The following PITPNM2 variants were observed in gnomAD, a reference collection of about 807,000 sequenced individuals.
PITPNM2 encodes the protein membrane-associated phosphatidylinositol transfer protein 2.
A neutral mutation model predicts 132.2 loss-of-function variants in PITPNM2; 35 were observed. The ratio of observed to expected loss-of-function variants is 0.26; its 90% CI spans 0.20 to 0.35. The LOEUF is 0.35. Among genes scored for constraint, PITPNM2 ranks in the 10% least tolerant of loss-of-function variants. The probability of loss-of-function intolerance (pLI) is 1.00; values close to 1 mark genes in which losing one functional copy is unlikely to be tolerated. For missense variants in PITPNM2, 1,332 were observed against 1,912.0 expected (o/e 0.70, Z 5.66); for synonymous variants, 738 against 799.2 (o/e 0.92, Z 1.29).
rs1339998437 is a variant in PITPNM2 at position 122,986,110 on chromosome 12, G to A, written c.3967C>T (p.Arg1323Cys). The change falls in exon 26 of 26, where the codon CGC becomes TGC. Residue 1323 changes from arginine (R) to cysteine (C), a missense_variant. Arg to Cys is a radical substitution (Grantham distance 180, BLOSUM62 -3). This residue lies in a region of PITPNM2 where 163 missense variants were observed against 177.2 expected (regional missense o/e 0.92). Coordinates refer to ENST00000320201, the MANE Select transcript of PITPNM2 (RefSeq NM_020845.3). ...CAGCCGGCCGCCACACTCATGCTGC[G>A]CTGGCCCCGCTGCTCGCCATCCGCC... ...SQADGEQRGQ[R>C]SMSVAAGCWG... The A allele has an allele frequency of 6.7e-6, 10 of 1,493,558 alleles. No homozygotes were observed. The highest frequency in any genetic ancestry group is 2.2e-4 in the Middle Eastern group (1 of 4,554). 92.5% of individuals were successfully genotyped at this position (1,493,558 alleles called of 1,614,324 possible). A position where few individuals can be genotyped will look rare whatever the true frequency, so the allele number is the denominator to read the frequency against.
chr12:123,087,126 G>C (rs919623196), intron 2 of PITPNM2: 1 of 152,238 alleles, frequency 6.6e-6, no homozygotes, highest in African/African-American at 2.4e-5. Flanking sequence ...TCCTTCCAGG[G>C]ACTAGAAATA....
At chr12:123,124,158 A>C (rs1371044398) in intron 1 of PITPNM2, among the ~76,000 whole-genome samples, 1 of 152,210 alleles carries the variant, frequency 6.6e-6, no homozygotes, top group African/African-American at 2.4e-5. Flanking sequence ...CGGGAGGCTG[A>C]GGCAGGAGAA....
intron 2 of PITPNM2, chr12:123,088,960 T>A (rs1401991534): frequency 5.3e-5 from 8 of 151,828 alleles, no homozygotes; most frequent in Admixed American, 5.2e-4. Flanking sequence ...ACCTGCTCTA[T>A]CACTCTGGAC....
chr12:123,052,784 G>GTTT (rs34269675), intron 2 of PITPNM2, among the ~76,000 whole-genome samples: 90 of 140,824 alleles, frequency 6.4e-4, no homozygotes, highest in African/African-American at 1.8e-3. Context: ...TTTTATTTAA[G>GTTT]TTTTTTTTTT....
chr12:123,044,041 G>A (rs2040575380), intron 2 of PITPNM2, among the ~76,000 whole-genome samples: 1 of 152,234 alleles, frequency 6.6e-6, no homozygotes, highest in Non-Finnish European at 1.5e-5. Context: ...GGCCTCCAGG[G>A]TTGGTGCTCC....
chr12:123,012,698 G>A lies in PITPNM2; in HGVS notation c.330C>T (p.Asp110=), dbSNP rs1304575594. ...TCPFVEKFSI[D]IETFYKTDAG... ...CATCAGTTTTATAAAAGGTTTCAATGTCGATGGAGAATTTCTCCACGAAAG... is the reference window on the plus strand; with the variant it reads ...CATCAGTTTTATAAAAGGTTTCAATATCGATGGAGAATTTCTCCACGAAAG... The change falls in exon 5 of 26, where the codon GAC becomes GAT. Residue 110 remains aspartate (D), a synonymous_variant. Transcript: ENST00000320201. The A allele has an allele frequency of 2.5e-6, 4 of 1,614,168 alleles. No homozygotes were observed. The highest frequency in any genetic ancestry group is 1.7e-5 in the Admixed American group (1 of 60,024).
chr12:123,034,773 C>T (rs2040213786), intron 2 of PITPNM2, 88 bp from the exon 3 acceptor site: 1 of 595,900 alleles, frequency 1.7e-6, no homozygotes, highest in African/African-American at 1.8e-5. Flanking sequence ...CGGTCTACAC[C>T]TGAGGCTGGA....
In PITPNM2 at chr12:123,009,260, C is replaced by T. The variant is rs2039073964; in HGVS notation, c.643+590G>A. On this transcript the variant is annotated intron_variant, in intron 6 of 25. Coordinates refer to ENST00000320201, the MANE Select transcript of PITPNM2 (RefSeq NM_020845.3). This position sits in a 1 kb window ranked among gnomAD's most constrained non-coding sequence, Gnocchi z 4.8. ...GACCTCGGCAGAGGGGGGTTTAGGG[C>T]TCTAGGTGAGGAAATGGCACTCACT... is the stretch of plus-strand genomic sequence containing the variant. Among the ~76,000 whole-genome samples the T allele has an allele frequency of 6.6e-6, 1 of 152,162 alleles. No homozygotes were observed. The highest frequency in any genetic ancestry group is 1.5e-5 in the Non-Finnish European group (1 of 68,030).
At chr12:123,124,506 C>T (rs1013216701) in intron 1 of PITPNM2, among the ~76,000 whole-genome samples, 1 of 152,106 alleles carries the variant, frequency 6.6e-6, no homozygotes, top group Non-Finnish European at 1.5e-5. Context: ...ACACACAAAA[C>T]TAGCAACCAT....
At chr12:123,019,528 GCACAC>G (rs974000986) in intron 3 of PITPNM2, among the ~76,000 whole-genome samples, 1 of 152,214 alleles carries the variant, frequency 6.6e-6, no homozygotes, top group Non-Finnish European at 1.5e-5. Flanking sequence ...CACAGCTCCA[GCACAC>G]CACTATGAGC....
intron 2 of PITPNM2, among the ~76,000 whole-genome samples, chr12:123,096,257 G>A (rs1045060259): frequency 1.2e-4 from 18 of 152,294 alleles, no homozygotes; most frequent in African/African-American, 2.9e-4. Context: ...ATTTATTTAC[G>A]CAATATTAAC....
intron 2 of PITPNM2, among the ~76,000 whole-genome samples, chr12:123,040,447 G>A (rs1008084597): frequency 5.3e-5 from 8 of 151,950 alleles, no homozygotes; most frequent in Admixed American, 2.6e-4. Context: ...CCATTTAATC[G>A]TATACTTTAA....
intron 1 of PITPNM2, among the ~76,000 whole-genome samples, chr12:123,134,594 T>C (rs2043335783): frequency 1.3e-5 from 2 of 152,082 alleles, no homozygotes; most frequent in Non-Finnish European, 2.9e-5. Context: ...ACATGAAGTG[T>C]TCCTTCTTGG....
chr12:123,110,056 C>G (rs2042803911), intron 2 of PITPNM2, among the ~76,000 whole-genome samples: 1 of 152,122 alleles, frequency 6.6e-6, no homozygotes, highest in South Asian at 2.1e-4. Flanking sequence ...CTCCTGGGCT[C>G]AAGTGATCGT....
intron 2 of PITPNM2, among the ~76,000 whole-genome samples, chr12:123,072,753 A>C (rs1006663696): frequency 1.3e-5 from 2 of 152,270 alleles, no homozygotes; most frequent in Non-Finnish European, 2.9e-5. Flanking sequence ...GAGGGCCACA[A>C]AGCTGACCTA....
At chr12:123,068,122 C>T (rs1249570070) in intron 2 of PITPNM2, among the ~76,000 whole-genome samples, 1 of 152,198 alleles carries the variant, frequency 6.6e-6, no homozygotes, top group Non-Finnish European at 1.5e-5. Flanking sequence ...GGTACCTGAA[C>T]AGCTTTTTCT....
At chr12:123,012,496 C>T in intron 5 of PITPNM2, 117 bp downstream of exon 5, 1 of 1,373,908 alleles carries the variant, frequency 7.3e-7, no homozygotes, top group Non-Finnish European at 1.0e-6. Context: ...ACCTGCCTGC[C>T]CAGGACAGGG....
Position 123,106,605 on chromosome 12 carries a change from A to G in PITPNM2, c.-96+3780T>C, listed in dbSNP as rs1041575506. Among the ~76,000 whole-genome samples, 4 of 152,226 alleles carry G rather than the reference A, an allele frequency of 2.6e-5. No individual in the cohort carries two copies. The highest frequency in any genetic ancestry group is 9.6e-5 in the African/African-American group (4 of 41,464). On this transcript the variant is annotated intron_variant, in intron 2 of 25. Coordinates refer to ENST00000320201, the MANE Select transcript of PITPNM2 (RefSeq NM_020845.3). The surrounding 1 kb of genome is among the most constrained non-coding windows in gnomAD (Gnocchi z 4.4). Reference sequence around the variant, plus strand: ...AGGTGTGTGTCAAAGAACCATATCAATAAACAAAATGTAGATGGGAGCAGT... The same window carrying G: ...AGGTGTGTGTCAAAGAACCATATCAGTAAACAAAATGTAGATGGGAGCAGT...
intron 3 of PITPNM2, among the ~76,000 whole-genome samples, chr12:123,029,510 C>T (rs1318448078): frequency 1.3e-5 from 2 of 152,170 alleles, no homozygotes; most frequent in Non-Finnish European, 2.9e-5. Flanking sequence ...CGCTTAAACC[C>T]GAGAGGCAAA....
Sources: allele counts gnomAD v4.1 joint callset (sites outside exome capture counted in the v4.1 genomes callset), GRCh38; gene constraint gnomAD v4.1.1; regional missense constraint gnomAD v4.1.1; non-coding constraint Gnocchi (gnomAD v3.1); transcripts MANE v1.5; gene names NCBI Gene and HGNC (gene_info 2026-07-23, HGNC 2026-07-21).